Variants in FBXO34 observed in about 807,000 individuals in gnomAD.
FBXO34 encodes the protein F-box protein 34.
FBXO34 carries 12 observed loss-of-function variants against 24.5 expected under a neutral mutation model. That is an observed-to-expected ratio of 0.49 (90% confidence interval 0.31 to 0.79). The LOEUF (loss-of-function observed/expected upper bound fraction) is 0.79. Among genes scored for constraint, FBXO34 ranks in the 30% least tolerant of loss-of-function variants. FBXO34 has a pLI of 0.04. For missense variants in FBXO34, 823 were observed against 857.7 expected, an observed-to-expected ratio of 0.96 and a Z score of 0.51; for synonymous variants, 320 against 311.9, an observed-to-expected ratio of 1.03 and a Z score of -0.27.
intron 1 of FBXO34, among the ~76,000 whole-genome samples, chr14:55,300,057 A>G (rs919698350): frequency 6.6e-6 from 1 of 152,196 alleles, no homozygotes; most frequent in Non-Finnish European, 1.5e-5. Flanking sequence ...CTGCATATGT[A>G]TATATCCACA....
chr14:55,353,941 G>C (rs1317160907), downstream of FBXO34, among the ~76,000 whole-genome samples: 1 of 152,192 alleles, frequency 6.6e-6, no homozygotes, highest in Non-Finnish European at 1.5e-5. Flanking sequence ...TGGTGGGGTT[G>C]GGAGGTGTTG....
the FBXO34 span, chr14:55,391,117 T>C: frequency 3.2e-6 from 2 of 630,818 alleles, no homozygotes; most frequent in Admixed American, 3.5e-5. Flanking sequence ...GACCTTATGT[T>C]ATAGCTTTTG....
At chr14:55,378,299 C>T in the FBXO34 span, among the ~76,000 whole-genome samples, 3 of 152,290 alleles carry the variant, frequency 2.0e-5, no homozygotes, top group South Asian at 4.1e-4. Context: ...AGCAATTCCA[C>T]GTCAGGACAT....
downstream of FBXO34, among the ~76,000 whole-genome samples, chr14:55,371,822 C>CA (rs1195067989): frequency 6.6e-6 from 1 of 151,940 alleles, no homozygotes; most frequent in Non-Finnish European, 1.5e-5. Context: ...AACAAAAAAA[C>CA]AAAGAGCCCC....
At chr14:55,357,753 G>A (rs1249350589), downstream of FBXO34, among the ~76,000 whole-genome samples, 2 of 152,228 alleles carry the variant, frequency 1.3e-5, no homozygotes, top group Non-Finnish European at 2.9e-5. Context: ...GTTGGCTGCA[G>A]TGAGCCATGA....
chr14:55,364,693 TGCTGG>T (rs1884642088), downstream of FBXO34, among the ~76,000 whole-genome samples: 1 of 151,362 alleles, frequency 6.6e-6, no homozygotes, highest in South Asian at 2.1e-4. Context: ...CTTCCCAAAG[TGCTGG>T]GACTACAGGT....
chr14:55,401,262 T>C, the FBXO34 span, among the ~76,000 whole-genome samples: 496 of 146,938 alleles, frequency 3.4e-3, 1 homozygote, highest in African/African-American at 0.013. Context: ...CAATTTTTTA[T>C]AGTTTTTTTT....
the FBXO34 span, among the ~76,000 whole-genome samples, chr14:55,429,792 AAAC>A: frequency 2.6e-5 from 4 of 151,350 alleles, no homozygotes; most frequent in Non-Finnish European, 5.9e-5. Context: ...AAAAAAAAGA[AAAC>A]AACAAGAAAA....
intron 3 of FBXO34, among the ~76,000 whole-genome samples, chr14:55,361,095 T>G (rs1252813832): frequency 2.0e-5 from 3 of 152,226 alleles, no homozygotes; most frequent in South Asian, 2.1e-4. Context: ...CAGTTTTCAG[T>G]TGACTTTGCC....
chr14:55,338,128 C>T (rs551887288), intron 1 of FBXO34, among the ~76,000 whole-genome samples: 1 of 142,194 alleles, frequency 7.0e-6, no homozygotes, highest in African/African-American at 2.7e-5. Context: ...CAGCTCACTG[C>T]AACCTCTGCC....
intron 1 of FBXO34, among the ~76,000 whole-genome samples, chr14:55,327,864 C>G (rs1883392238): frequency 6.9e-6 from 1 of 144,754 alleles, no homozygotes. Context: ...ATCCTTACCA[C>G]AGATCTTAGC....
chr14:55,370,896 C>T (rs1884801494), downstream of FBXO34, among the ~76,000 whole-genome samples: 1 of 152,178 alleles, frequency 6.6e-6, no homozygotes, highest in African/African-American at 2.4e-5. Context: ...CCACCCCTGC[C>T]TCTCAAAACG....
At chr14:55,292,726 C>G (rs924876635) in intron 1 of FBXO34, among the ~76,000 whole-genome samples, 1 of 152,128 alleles carries the variant, frequency 6.6e-6, no homozygotes, top group African/African-American at 2.4e-5. Context: ...CCCATACCAC[C>G]TGATGAAGTC....
chr14:55,409,584 G>A, the FBXO34 span, among the ~76,000 whole-genome samples: 23 of 152,106 alleles, frequency 1.5e-4, no homozygotes, highest in African/African-American at 3.9e-4. Context: ...AAAGGAGGCA[G>A]CCCTGAAGAT....
At chr14:55,432,200 G>C in the FBXO34 span, among the ~76,000 whole-genome samples, 5 of 149,566 alleles carry the variant, frequency 3.3e-5, no homozygotes, top group Non-Finnish European at 7.4e-5. Context: ...TTGAGCCCAG[G>C]AGTTCGAGAC....
chr14:55,310,802 A>G (rs1410153346), intron 1 of FBXO34, among the ~76,000 whole-genome samples: 3 of 152,146 alleles, frequency 2.0e-5, no homozygotes, highest in East Asian at 3.9e-4. Context: ...TTGCTAAGCA[A>G]ATTTCTTAAA....
chr14:55,381,799 G>A, the FBXO34 span, among the ~76,000 whole-genome samples: 1 of 152,294 alleles, frequency 6.6e-6, no homozygotes, highest in South Asian at 2.1e-4. Context: ...TCTGTCTGGG[G>A]TGATCAAAAT....
chr14:55,429,044 G>T, the FBXO34 span: 2 of 1,556,138 alleles, frequency 1.3e-6, no homozygotes, highest in South Asian at 2.3e-5. Context: ...TGTTGTATTG[G>T]ATTGTTACCA....
chr14:55,403,883 A>C, the FBXO34 span, among the ~76,000 whole-genome samples: 1 of 152,258 alleles, frequency 6.6e-6, no homozygotes, highest in Non-Finnish European at 1.5e-5. Context: ...TACAACATTT[A>C]GCTCTCTTTA....
Sources: allele counts gnomAD v4.1 joint callset (sites outside exome capture counted in the v4.1 genomes callset), GRCh38; gene constraint gnomAD v4.1.1; transcripts MANE v1.5; gene names NCBI Gene and HGNC (gene_info 2026-07-23, HGNC 2026-07-21).